The following VTA1 variants were observed in gnomAD, a reference collection of about 807,000 sequenced individuals.
VTA1 encodes the protein vacuolar protein sorting-associated protein VTA1 homolog.
Under a neutral mutation model 36.9 loss-of-function variants are expected in VTA1, and 24 were observed. The ratio of observed to expected loss-of-function variants is 0.65; its 90% CI spans 0.47 to 0.91. The LOEUF is 0.91. Among genes scored for constraint, VTA1 ranks in the 40% least tolerant of loss-of-function variants. VTA1 has a pLI of 0.00. For synonymous variants in VTA1, 142 were observed against 130.2 expected, an observed-to-expected ratio of 1.09 and a Z score of -0.62; for missense variants, 393 against 377.2, an observed-to-expected ratio of 1.04 and a Z score of -0.35.
At chr6:142,217,226 TC>T (rs1341560284) in intron 7 of VTA1, among the ~76,000 whole-genome samples, 1 of 152,160 alleles carries the variant, frequency 6.6e-6, no homozygotes, top group Non-Finnish European at 1.5e-5. Flanking sequence ...GAAGACTTAC[TC>T]TAGCACCCTA....
chr6:142,199,793 C>A (rs1775644321), intron 6 of VTA1, among the ~76,000 whole-genome samples: 1 of 151,942 alleles, frequency 6.6e-6, no homozygotes, highest in Admixed American at 6.6e-5. Flanking sequence ...GCATATTTGA[C>A]CTTGACTTTT....
At chr6:142,188,329 C>G (rs1354921987) in intron 4 of VTA1, among the ~76,000 whole-genome samples, 1 of 148,776 alleles carries the variant, frequency 6.7e-6, no homozygotes, top group Admixed American at 6.8e-5. Flanking sequence ...ATTCTCCTGC[C>G]TCAGCCTCCC....
Position 142,219,740 on chromosome 6 carries a change from A to T in VTA1, c.*1097A>T, listed in dbSNP as rs140828159. 1 of 152,318 alleles carries T rather than the reference A, an allele frequency of 6.6e-6. No individual in the cohort carries two copies. The highest frequency in any genetic ancestry group is 1.9e-4 in the East Asian group (1 of 5,194). The allele number at this position is 152,318 out of a possible 1,614,324, so 9.4% of individuals were successfully genotyped here. ...TTTTGTTTTTTAAGATAAATTTGAC[A>T]AAGTTAACTGAAATTTATCTGGTCC... On this transcript the variant is annotated 3_prime_UTR_variant, in exon 8 of 8. Transcript: ENST00000367630.
intron 1 of VTA1, among the ~76,000 whole-genome samples, chr6:142,162,254 G>A (rs1246764101): frequency 6.6e-6 from 1 of 152,118 alleles, no homozygotes; most frequent in Non-Finnish European, 1.5e-5. Context: ...TAAAGCCAAG[G>A]GCAGTCTTAG....
At chr6:142,175,599 G>A (rs1303194493) in intron 4 of VTA1, among the ~76,000 whole-genome samples, 1 of 151,782 alleles carries the variant, frequency 6.6e-6, no homozygotes, top group Non-Finnish European at 1.5e-5. Flanking sequence ...TTGAAGAGGG[G>A]GCTTTGTCTT....
intron 1 of VTA1, among the ~76,000 whole-genome samples, chr6:142,165,722 C>T (rs935536982): frequency 1.3e-5 from 2 of 152,098 alleles, no homozygotes; most frequent in Non-Finnish European, 2.9e-5. Flanking sequence ...AGCCTTATCT[C>T]AGTTGTTTTT....
chr6:142,164,339 G>A (rs1055913123), intron 1 of VTA1, among the ~76,000 whole-genome samples: 3 of 151,966 alleles, frequency 2.0e-5, no homozygotes, highest in Admixed American at 6.5e-5. Context: ...AGTGCACTAC[G>A]CTGGTAGTGC....
At chr6:142,209,507 A>G (rs1242532741) in intron 7 of VTA1, among the ~76,000 whole-genome samples, 3 of 151,244 alleles carry the variant, frequency 2.0e-5, no homozygotes, top group African/African-American at 7.3e-5. Context: ...GTTAGTTATT[A>G]ATAACTAACT....
chr6:142,217,550 G>A (rs1181777098), intron 7 of VTA1, among the ~76,000 whole-genome samples: 3 of 151,252 alleles, frequency 2.0e-5, no homozygotes, highest in African/African-American at 7.3e-5. Flanking sequence ...CTGCGTGTGT[G>A]TATTTGTGTA....
intron 7 of VTA1, among the ~76,000 whole-genome samples, chr6:142,210,361 C>G (rs964495569): frequency 1.3e-5 from 2 of 152,098 alleles, no homozygotes; most frequent in African/African-American, 4.8e-5. Context: ...GGACATTGGT[C>G]TATGCAAAGA....
chr6:142,185,212 G>C (rs1296111734), intron 4 of VTA1, among the ~76,000 whole-genome samples: 1 of 151,992 alleles, frequency 6.6e-6, no homozygotes, highest in African/African-American at 2.4e-5. Context: ...TTCCTACTAA[G>C]TGTTTTTATA....
At chr6:142,174,244 G>A (rs940036965) in intron 4 of VTA1, among the ~76,000 whole-genome samples, 3 of 152,186 alleles carry the variant, frequency 2.0e-5, no homozygotes, top group Non-Finnish European at 4.4e-5. Context: ...AGCCATAGGG[G>A]CAGAGCTGCC....
At chr6:142,216,348 T>G (rs1186054912) in intron 7 of VTA1, among the ~76,000 whole-genome samples, 3 of 152,166 alleles carry the variant, frequency 2.0e-5, no homozygotes, top group Non-Finnish European at 4.4e-5. Flanking sequence ...TCATATTTTA[T>G]TAATGAATGT....
chr6:142,196,395 C>G (rs980821931), intron 5 of VTA1, among the ~76,000 whole-genome samples: 7 of 152,136 alleles, frequency 4.6e-5, no homozygotes, highest in Non-Finnish European at 8.8e-5. Flanking sequence ...TTAAACAAAT[C>G]TAGATCTTTG....
At chr6:142,159,509 T>TATC (rs1774748357) in intron 1 of VTA1, among the ~76,000 whole-genome samples, 1 of 141,518 alleles carries the variant, frequency 7.1e-6, no homozygotes, top group South Asian at 2.1e-4. Context: ...TTATTATTAT[T>TATC]ATTATTATTA....
At chr6:142,205,508 C>T (rs1775773208) in intron 7 of VTA1, among the ~76,000 whole-genome samples, 1 of 151,862 alleles carries the variant, frequency 6.6e-6, no homozygotes, top group African/African-American at 2.4e-5. Context: ...TAGCACATAC[C>T]TTTTTTAAGG....
chr6:142,206,863 G>A (rs1475120393), intron 7 of VTA1, among the ~76,000 whole-genome samples: 1 of 152,132 alleles, frequency 6.6e-6, no homozygotes, highest in Non-Finnish European at 1.5e-5. Flanking sequence ...TCAATAAATG[G>A]TGCTGGCGTA....
intron 5 of VTA1, among the ~76,000 whole-genome samples, chr6:142,198,182 C>T (rs1259125401): frequency 4.1e-5 from 6 of 146,920 alleles, no homozygotes; most frequent in Admixed American, 6.8e-5. Flanking sequence ...TGTACATATA[C>T]ACTATATGCA....
intron 2 of VTA1, among the ~76,000 whole-genome samples, chr6:142,168,516 C>T (rs1774964004): frequency 6.6e-6 from 1 of 151,502 alleles, no homozygotes; most frequent in Non-Finnish European, 1.5e-5. Context: ...TATTTTATTC[C>T]TGTATTGTAG....
Sources: allele counts gnomAD v4.1 joint callset (sites outside exome capture counted in the v4.1 genomes callset), GRCh38; gene constraint gnomAD v4.1.1; transcripts MANE v1.5; gene names NCBI Gene and HGNC (gene_info 2026-07-23, HGNC 2026-07-21).